ZBTB20: variants seen among roughly 807,000 people sequenced by gnomAD.
The protein encoded by ZBTB20 is zinc finger and BTB domain-containing protein 20.
A neutral mutation model predicts 56.9 loss-of-function variants in ZBTB20; 9 were observed. The observed-to-expected ratio is 0.16, with a 90% CI of 0.10 to 0.28. ZBTB20 has a LOEUF of 0.28. Ranked by LOEUF, ZBTB20 falls within the 10% of genes least tolerant of loss-of-function variation. The pLI is 1.00. For synonymous variants in ZBTB20, 417 were observed against 420.7 expected, an observed-to-expected ratio of 0.99 and a Z score of 0.11; for missense variants, 655 against 1,003.0, an observed-to-expected ratio of 0.65 and a Z score of 4.69.
intron 5 of ZBTB20, among the ~76,000 whole-genome samples, chr3:114,769,106 G>C (rs974139342): frequency 1.3e-5 from 2 of 152,098 alleles, no homozygotes; most frequent in African/African-American, 4.8e-5. Context: ...AACGTGTACT[G>C]CATATCTTAT....
chr3:114,403,572 G>A (rs2087013983), intron 7 of ZBTB20, among the ~76,000 whole-genome samples: 1 of 151,538 alleles, frequency 6.6e-6, no homozygotes, highest in African/African-American at 2.4e-5. Context: ...AGGTATTATA[G>A]GATTCATATA....
intron 6 of ZBTB20, among the ~76,000 whole-genome samples, chr3:114,529,823 G>A (rs772261122): frequency 9.9e-5 from 15 of 152,184 alleles, no homozygotes; most frequent in Admixed American, 3.3e-4. Flanking sequence ...CAAATAAAGT[G>A]TAAAGTCTTT....
intron 4 of ZBTB20, among the ~76,000 whole-genome samples, chr3:114,866,097 T>C (rs78984289): frequency 6.6e-6 from 1 of 152,158 alleles, no homozygotes; most frequent in Non-Finnish European, 1.5e-5. Context: ...TACATGACCT[T>C]GGGCAAAGAT....
chr3:114,516,004 AT>A (rs34260800), intron 6 of ZBTB20, among the ~76,000 whole-genome samples: 1,872 of 141,070 alleles, frequency 0.013, 16 homozygotes, highest in African/African-American at 0.023. Context: ...TAATTAAACA[AT>A]TTTTTTTTTT....
intron 7 of ZBTB20, among the ~76,000 whole-genome samples, chr3:114,496,221 G>A (rs2043267215): frequency 6.6e-6 from 1 of 152,182 alleles, no homozygotes; most frequent in East Asian, 1.9e-4. Context: ...CCTGAGCTCT[G>A]AAACATGGGG....
intron 5 of ZBTB20, among the ~76,000 whole-genome samples, chr3:114,735,221 G>T (rs1038213940): frequency 2.0e-5 from 3 of 151,930 alleles, no homozygotes; most frequent in Admixed American, 2.0e-4. Flanking sequence ...ATTTGAAAAT[G>T]AGTTTATCTC....
chr3:115,133,979 C>T (rs1029802841), intron 1 of ZBTB20, among the ~76,000 whole-genome samples: 3 of 152,290 alleles, frequency 2.0e-5, no homozygotes, highest in Admixed American at 2.0e-4. Context: ...TTCCAAAGAA[C>T]CAGCCTTTAG....
At chr3:114,670,186 T>C (rs1035804374) in intron 6 of ZBTB20, among the ~76,000 whole-genome samples, 2 of 152,086 alleles carry the variant, frequency 1.3e-5, no homozygotes, top group African/African-American at 4.8e-5. Flanking sequence ...ATTTCTGCAA[T>C]TACCCTCTTG....
chr3:114,390,088 C>A (rs530366618), intron 7 of ZBTB20, among the ~76,000 whole-genome samples: 1 of 152,156 alleles, frequency 6.6e-6, no homozygotes, highest in African/African-American at 2.4e-5. Context: ...GTCTCCTCAG[C>A]GTCTGGCAGC....
chr3:114,453,604 CATG>C (rs1399027640), intron 7 of ZBTB20: 8 of 151,852 alleles, frequency 5.3e-5, no homozygotes, highest in African/African-American at 1.9e-4. Flanking sequence ...AGGGTAAAGA[CATG>C]ATAAGAGAAG....
chr3:114,932,595 A>G (rs1350202685), intron 3 of ZBTB20, among the ~76,000 whole-genome samples: 1 of 152,218 alleles, frequency 6.6e-6, no homozygotes, highest in Non-Finnish European at 1.5e-5. Flanking sequence ...TTTCTTAGAA[A>G]TACTTTCAGT....
chr3:114,629,348 A>G (rs955710640), intron 6 of ZBTB20, among the ~76,000 whole-genome samples: 1 of 152,242 alleles, frequency 6.6e-6, no homozygotes, highest in African/African-American at 2.4e-5. Flanking sequence ...TCCTAGCATT[A>G]ATAATCTACA....
chr3:114,951,502 A>G (rs1421618644), intron 3 of ZBTB20, among the ~76,000 whole-genome samples: 1 of 152,146 alleles, frequency 6.6e-6, no homozygotes, highest in African/African-American at 2.4e-5. Flanking sequence ...ACAATTAAGA[A>G]TGAAATTAAC....
chr3:115,122,939 G>A (rs1560589304), intron 1 of ZBTB20, among the ~76,000 whole-genome samples: 1 of 152,024 alleles, frequency 6.6e-6, no homozygotes, highest in African/African-American at 2.4e-5. Context: ...AGGCAAACAC[G>A]TATTAATCAA....
At chr3:114,648,286 G>T (rs959716180) in intron 6 of ZBTB20, among the ~76,000 whole-genome samples, 1 of 151,694 alleles carries the variant, frequency 6.6e-6, no homozygotes, top group African/African-American at 2.4e-5. Flanking sequence ...AATAATAATA[G>T]AAACCATTTG....
At chr3:114,447,763 T>C (rs552513728) in intron 7 of ZBTB20, among the ~76,000 whole-genome samples, 1 of 152,124 alleles carries the variant, frequency 6.6e-6, no homozygotes, top group East Asian at 1.9e-4. Flanking sequence ...GTGTACCCTA[T>C]AGTTATCCCA....
At chr3:114,476,867 G>C (rs2040835043) in intron 7 of ZBTB20, among the ~76,000 whole-genome samples, 1 of 152,182 alleles carries the variant, frequency 6.6e-6, no homozygotes, top group Non-Finnish European at 1.5e-5. Flanking sequence ...TTGCAGTTTA[G>C]GGCTAGACTG....
At chr3:114,893,402 G>C (rs2076893608) in intron 4 of ZBTB20, among the ~76,000 whole-genome samples, 1 of 152,108 alleles carries the variant, frequency 6.6e-6, no homozygotes, top group Admixed American at 6.6e-5. Context: ...TGAGTACAAG[G>C]GTTACTTAAG....
At chr3:114,965,352 A>G (rs1429867730) in intron 3 of ZBTB20, among the ~76,000 whole-genome samples, 1 of 152,166 alleles carries the variant, frequency 6.6e-6, no homozygotes, top group African/African-American at 2.4e-5. Flanking sequence ...AGTATAGAGT[A>G]TATTTTTATT....
Sources: gnomAD v4.1 joint callset for allele counts (sites outside exome capture counted in the v4.1 genomes callset) on GRCh38, gnomAD v4.1.1 for gene constraint, MANE v1.5 for transcripts, NCBI Gene and HGNC (gene_info 2026-07-23, HGNC 2026-07-21) for gene names.